The following SLCO1B1 variants were observed in gnomAD, a reference collection of about 807,000 sequenced individuals.
SLCO1B1 encodes OATP-2.
Under a neutral mutation model 70.1 loss-of-function variants are expected in SLCO1B1, and 81 were observed. The observed-to-expected ratio is 1.16, with a 90% CI of 0.97 to 1.39. SLCO1B1 has a LOEUF of 1.39. Ranked by LOEUF, SLCO1B1 falls within the 40% of genes most tolerant of loss-of-function variation. The pLI, the probability that SLCO1B1 is intolerant of heterozygous loss-of-function variation, is 0.00. For missense variants in SLCO1B1, 895 were observed against 799.6 expected, an observed-to-expected ratio of 1.12 and a Z score of -1.44; for synonymous variants, 283 against 271.5, an observed-to-expected ratio of 1.04 and a Z score of -0.42.
chr12:21,209,273 T>C (rs1201839844), intron 11 of SLCO1B1, among the ~76,000 whole-genome samples: 6 of 151,914 alleles, frequency 3.9e-5, no homozygotes, highest in Non-Finnish European at 8.8e-5. Context: ...GTGATCTCAT[T>C]GTTCAATTCC....
chr12:21,163,825 G>C (rs943741019), intron 2 of SLCO1B1, among the ~76,000 whole-genome samples: 1 of 152,110 alleles, frequency 6.6e-6, no homozygotes, highest in African/African-American at 2.4e-5. Context: ...ATGCGCATTT[G>C]AGAGGGACAC....
In SLCO1B1 at chr12:21,222,309, A is replaced by C. The variant is rs146415464; in HGVS notation, c.1692A>C (p.Gln564His). The change falls in exon 13 of 15, where the codon CAA (glutamine) becomes CAC (histidine). Residue 564 changes from glutamine to histidine, a missense_variant. Gln to His is a conservative substitution (Grantham distance 24). Transcript: ENST00000256958. ...SHVMLIVKIVQPELKSLALGF... is the reference protein window; with the variant it reads ...SHVMLIVKIVHPELKSLALGF... Reference sequence around the variant, plus strand: ...CTTTGTCTTGTTTCAGAATTGTTCAACCTGAATTGAAATCACTTGCACTGG... The same window carrying C: ...CTTTGTCTTGTTTCAGAATTGTTCACCCTGAATTGAAATCACTTGCACTGG... 1 of 1,381,554 alleles carries C rather than the reference A, an allele frequency of 7.2e-7. No individual in the cohort carries two copies. The highest frequency in any genetic ancestry group is 9.6e-7 in the Non-Finnish European group (1 of 1,038,936). The allele number at this position is 1,381,554 out of a possible 1,614,324, so 85.6% of individuals were successfully genotyped here. A position where few individuals can be genotyped will look rare whatever the true frequency, so the allele number is the denominator to read the frequency against.
intron 1 of SLCO1B1, among the ~76,000 whole-genome samples, chr12:21,138,604 A>G (rs547754023): frequency 6.6e-6 from 1 of 152,282 alleles, no homozygotes; most frequent in South Asian, 2.1e-4. Context: ...CTGAAGATCT[A>G]GGAGAGAGAT....
At position 21,174,650 on chromosome 12, in the gene SLCO1B1, T is replaced by A. The variant is rs1335411501; in HGVS notation, c.300T>A (p.Gly100=). The A allele has an allele frequency of 6.8e-6, 11 of 1,613,464 alleles. No homozygotes were observed. Among genetic ancestry groups the A allele is most frequent in the Non-Finnish European group, 9.3e-6 (11 of 1,179,768 alleles). ...ATAGACCAAAGTTAATTGGAATCGG[T>A]TGTTTCATTATGGGAATTGGAGGTG... ...KLHRPKLIGI[G]CFIMGIGGVL... The change falls in exon 4 of 15, where the codon GGT becomes GGA. Residue 100 remains glycine, a synonymous_variant. Coordinates refer to ENST00000256958, the MANE Select transcript of SLCO1B1 (RefSeq NM_006446.5).
intron 1 of SLCO1B1, among the ~76,000 whole-genome samples, chr12:21,140,344 G>A (rs1041504182): frequency 1.3e-5 from 2 of 151,842 alleles, no homozygotes; most frequent in African/African-American, 4.8e-5. Flanking sequence ...TACATACATA[G>A]GAGCAAGAAT....
chr12:21,133,291 G>A (rs138065674), intron 1 of SLCO1B1, among the ~76,000 whole-genome samples: 186 of 152,168 alleles, frequency 1.2e-3, no homozygotes, highest in Middle Eastern at 3.4e-3. Flanking sequence ...TGTTCTTTTC[G>A]CTTAGGATTG....
chr12:21,168,151 A>G (rs1940712550), intron 2 of SLCO1B1, among the ~76,000 whole-genome samples: 1 of 152,136 alleles, frequency 6.6e-6, no homozygotes, highest in Non-Finnish European at 1.5e-5. Context: ...ATAGAATCAT[A>G]CAGTATCTCT....
chr12:21,168,594 G>T (rs1266681350), intron 2 of SLCO1B1, among the ~76,000 whole-genome samples: 1 of 152,082 alleles, frequency 6.6e-6, no homozygotes, highest in African/African-American at 2.4e-5. Context: ...TGGTTGTGGG[G>T]TGATATCTCA....
At chr12:21,226,556 T>C (rs771386462) in intron 14 of SLCO1B1, among the ~76,000 whole-genome samples, 7 of 152,032 alleles carry the variant, frequency 4.6e-5, no homozygotes, top group Non-Finnish European at 7.4e-5. Context: ...GGGGAGAAGA[T>C]AAGGATGAGT....
chr12:21,192,148 C>A (rs578072943), intron 7 of SLCO1B1, among the ~76,000 whole-genome samples: 1 of 151,984 alleles, frequency 6.6e-6, no homozygotes, highest in East Asian at 1.9e-4. Flanking sequence ...AAGATGTTCT[C>A]TTCTCTTCAA....
intron 7 of SLCO1B1, among the ~76,000 whole-genome samples, chr12:21,181,706 G>C (rs1317726284): frequency 6.6e-6 from 1 of 151,690 alleles, no homozygotes; most frequent in African/African-American, 2.4e-5. Context: ...TTCTTAACAG[G>C]TTTTGAAACA....
At chr12:21,203,087 G>T (rs1179558432) in intron 10 of SLCO1B1, among the ~76,000 whole-genome samples, 1 of 149,632 alleles carries the variant, frequency 6.7e-6, no homozygotes, top group East Asian at 1.9e-4. Flanking sequence ...ATCTTGGATG[G>T]ATCATAAGAG....
intron 1 of SLCO1B1, among the ~76,000 whole-genome samples, chr12:21,136,970 C>T (rs59674994): frequency 1.3e-5 from 2 of 152,058 alleles, no homozygotes; most frequent in Non-Finnish European, 2.9e-5. Context: ...TTTCATCTAT[C>T]TTTGGTCTTT....
intron 2 of SLCO1B1, among the ~76,000 whole-genome samples, chr12:21,169,739 G>C (rs1367774925): frequency 2.0e-5 from 2 of 98,354 alleles, no homozygotes; most frequent in African/African-American, 3.7e-5. Context: ...AGTTTCTGGA[G>C]ATGTAATTTT....
chr12:21,158,766 T>A (rs1940574540), intron 2 of SLCO1B1, among the ~76,000 whole-genome samples: 1 of 152,126 alleles, frequency 6.6e-6, no homozygotes, highest in African/African-American at 2.4e-5. Flanking sequence ...TTTATAATTA[T>A]TTTTTTCTGA....
chr12:21,182,735 C>G (rs1270608547), intron 7 of SLCO1B1, among the ~76,000 whole-genome samples: 2 of 152,158 alleles, frequency 1.3e-5, no homozygotes, highest in Non-Finnish European at 2.9e-5. Flanking sequence ...AGGCTAGTCC[C>G]AAAACCCCAG....
At chr12:21,213,367 G>T (rs1393409576) in intron 11 of SLCO1B1, among the ~76,000 whole-genome samples, 85 of 151,906 alleles carry the variant, frequency 5.6e-4, no homozygotes, top group African/African-American at 1.9e-3. Context: ...GAAAATTCTT[G>T]TCTTTAAGAA....
intron 1 of SLCO1B1, among the ~76,000 whole-genome samples, chr12:21,133,835 G>A (rs1184633937): frequency 6.6e-6 from 1 of 152,058 alleles, no homozygotes; most frequent in Admixed American, 6.6e-5. Context: ...TTCTTCTCCT[G>A]CCTGATTGCC....
chr12:21,163,373 A>G (rs1360332721), intron 2 of SLCO1B1, among the ~76,000 whole-genome samples: 1 of 152,150 alleles, frequency 6.6e-6, no homozygotes, highest in Non-Finnish European at 1.5e-5. Context: ...CTTAGTATTG[A>G]TTGATTGTCA....
Sources: gnomAD v4.1 joint callset for allele counts (sites outside exome capture counted in the v4.1 genomes callset) on GRCh38, gnomAD v4.1.1 for gene constraint, MANE v1.5 for transcripts, NCBI Gene and HGNC (gene_info 2026-07-23, HGNC 2026-07-21) for gene names.